CNTNAP3: variants seen among roughly 807,000 people sequenced by gnomAD.
CNTNAP3 encodes the protein contactin-associated protein-like 3.
A neutral mutation model predicts 92.1 loss-of-function variants in CNTNAP3; 36 were observed. The ratio of observed to expected loss-of-function variants is 0.39; its 90% CI spans 0.30 to 0.52. The LOEUF (loss-of-function observed/expected upper bound fraction) is 0.52, where lower values mean the gene tolerates loss of function less well. CNTNAP3 is among the 20% of genes least tolerant of loss of function. The probability of loss-of-function intolerance (pLI) is 0.76; values close to 1 mark genes in which losing one functional copy is unlikely to be tolerated. For synonymous variants in CNTNAP3, 232 were observed against 422.3 expected, an observed-to-expected ratio of 0.55 and a Z score of 5.53; for missense variants, 534 against 1,069.6, an observed-to-expected ratio of 0.50 and a Z score of 6.98.
intron 18 of CNTNAP3, among the ~76,000 whole-genome samples, chr9:39,089,675 C>T (rs1261790491): frequency 1.3e-5 from 2 of 152,060 alleles, no homozygotes; most frequent in Non-Finnish European, 2.9e-5. Context: ...TTTTACATTC[C>T]AAACAGCAAT....
At position 39,132,986 on chromosome 9, in the gene CNTNAP3, A is replaced by T; in HGVS notation, c.2026T>A (p.Cys676Ser). ...CAGCGCAGAGCCAGCCGCTGCTCGC[A>T]GCGCTCCGCCAGGTTCACCGCGGAC... ...LRSAVNLAER[C>S]EQRLALRCGT... The change falls in exon 13 of 24, where the codon TGC (cysteine) becomes AGC (serine). Residue 676 changes from cysteine (C) to serine (S), a missense_variant. Cys to Ser is a moderately radical substitution (Grantham distance 112). Coordinates refer to ENST00000297668, the MANE Select transcript of CNTNAP3 (RefSeq NM_033655.5). 1 of 1,541,334 alleles carries T rather than the reference A, an allele frequency of 6.5e-7. No homozygotes were observed. Among genetic ancestry groups the T allele is most frequent in the Non-Finnish European group, 8.7e-7 (1 of 1,152,520 alleles).
In CNTNAP3 at chr9:39,107,533, A is replaced by T. The variant is rs533992494; in HGVS notation, c.2365+1627T>A. Among the ~76,000 whole-genome samples the T allele has an allele frequency of 1.4e-4, 21 of 152,344 alleles. No homozygotes were observed. The South Asian group carries it at 4.3e-3, about 32-fold the overall frequency. The stretch of plus-strand genomic sequence containing the variant: ...CCAATTCAGTAAAATAAGAGCTAAA[A>T]TATGAGATAAACAGAAAAGATGATT... On this transcript the variant is annotated intron_variant, in intron 15 of 23. Coordinates refer to ENST00000297668, the MANE Select transcript of CNTNAP3 (RefSeq NM_033655.5).
intron 14 of CNTNAP3, among the ~76,000 whole-genome samples, chr9:39,117,335 T>C (rs1416082362): frequency 6.6e-6 from 1 of 152,094 alleles, no homozygotes; most frequent in African/African-American, 2.4e-5. Flanking sequence ...TCTAGTTGTT[T>C]TATGACAATG....
At chr9:39,119,058 A>G (rs1298362340) in intron 13 of CNTNAP3, among the ~76,000 whole-genome samples, 2 of 152,198 alleles carry the variant, frequency 1.3e-5, no homozygotes, top group Non-Finnish European at 2.9e-5. Flanking sequence ...TAATTTAAAA[A>G]GCAGGTGTCA....
At chr9:39,101,695 G>T (rs1420143277) in intron 17 of CNTNAP3, among the ~76,000 whole-genome samples, 1 of 150,384 alleles carries the variant, frequency 6.6e-6, no homozygotes. Flanking sequence ...CAATCAGCGG[G>T]TATCCTGCGA....
rs1451821062 is a variant in CNTNAP3 at position 39,084,349 on chromosome 9, T to A, written c.3442+1387A>T. On this transcript the variant is annotated intron_variant, in intron 21 of 23. Coordinates refer to ENST00000297668, the MANE Select transcript of CNTNAP3 (RefSeq NM_033655.5). ...CTGGGACTACAGGCGCCCGCCACCA[T>A]GCCCGGCTAATTTTTTTTGTATTTT... is the stretch of plus-strand genomic sequence containing the variant. 2.0e-5 allele frequency among the ~76,000 whole-genome samples: 3 copies of A among 151,822 alleles called. No homozygotes were observed. The East Asian group carries it at 5.8e-4, about 30-fold the overall frequency.
intron 15 of CNTNAP3, 70 bp downstream of exon 15, chr9:39,109,090 G>A (rs1826677846): frequency 1.3e-6 from 2 of 1,539,516 alleles, no homozygotes; most frequent in Non-Finnish European, 8.7e-7. Flanking sequence ...AAGAACAAGG[G>A]CATTTGTCTA....
intron 23 of CNTNAP3, among the ~76,000 whole-genome samples, chr9:39,078,119 A>G (rs1258917291): frequency 6.6e-6 from 1 of 152,300 alleles, no homozygotes; most frequent in African/African-American, 2.4e-5. Flanking sequence ...AGGCAGGAGA[A>G]TCGCTTGAAC....
chr9:39,116,947 A>G (rs1820873545), intron 14 of CNTNAP3, among the ~76,000 whole-genome samples: 1 of 152,168 alleles, frequency 6.6e-6, no homozygotes, highest in African/African-American at 2.4e-5. Context: ...CAAATCAATT[A>G]TACTGACACC....
chr9:39,085,525 G>A (rs951535320), intron 21 of CNTNAP3: 50 of 552,150 alleles, frequency 9.1e-5, no homozygotes, highest in Middle Eastern at 4.9e-4. Context: ...AAGTGTGGAG[G>A]TATTTTTCCA....
At chr9:39,143,476 T>G (rs865874142) in intron 11 of CNTNAP3, among the ~76,000 whole-genome samples, 23 of 152,038 alleles carry the variant, frequency 1.5e-4, no homozygotes, top group African/African-American at 5.6e-4. Context: ...GCTCAACTCC[T>G]CATCTTCCCA....
At chr9:39,092,195 AC>A (rs1826220638) in intron 18 of CNTNAP3, among the ~76,000 whole-genome samples, 1 of 144,550 alleles carries the variant, frequency 6.9e-6, no homozygotes, top group Non-Finnish European at 1.5e-5. Context: ...TAAAGGACTG[AC>A]TTTTGGTTTG....
intron 10 of CNTNAP3, among the ~76,000 whole-genome samples, chr9:39,147,512 C>A (rs1821731374): frequency 6.6e-6 from 1 of 152,150 alleles, no homozygotes; most frequent in Non-Finnish European, 1.5e-5. Flanking sequence ...ACGTTACTGA[C>A]TTTGGGAATG....
intron 13 of CNTNAP3, among the ~76,000 whole-genome samples, chr9:39,126,311 A>C (rs1183338047): frequency 1.3e-5 from 2 of 152,138 alleles, no homozygotes; most frequent in East Asian, 3.8e-4. Context: ...GTAATTAATA[A>C]CCTTCCCAAA....
In CNTNAP3 at chr9:39,069,802, A is replaced by G. The variant is rs1174295541; in HGVS notation, c.*4088T>C. ...CAGCAATGAACTTAGCCTGAGCTAC[A>G]TCCATTGGGAGTGATGTGAAGGAAG... is the stretch of plus-strand genomic sequence containing the variant. On this transcript the variant is annotated 3_prime_UTR_variant, in exon 24 of 24. Coordinates refer to ENST00000297668, the MANE Select transcript of CNTNAP3 (RefSeq NM_033655.5). 2.4e-4 allele frequency among the ~76,000 whole-genome samples: 36 copies of G among 152,230 alleles called. No individual in the cohort carries two copies. Among genetic ancestry groups the G allele is most frequent in the African/African-American group, 8.4e-4 (35 of 41,422 alleles).
At position 39,069,833 on chromosome 9, in the gene CNTNAP3, A is replaced by T. The variant is rs1825601356; in HGVS notation, c.*4057T>A. Among the ~76,000 whole-genome samples, 2 of 152,188 alleles carry T rather than the reference A, an allele frequency of 1.3e-5. No homozygotes were observed. The highest frequency in any genetic ancestry group is 4.8e-5 in the African/African-American group (2 of 41,474). On this transcript the variant is annotated 3_prime_UTR_variant, in exon 24 of 24. Coordinates refer to ENST00000297668, the MANE Select transcript of CNTNAP3 (RefSeq NM_033655.5). ...TGGGAGTGATGTGAAGGAAGAGAAA[A>T]GCGTTGGACTCTATGATATTTAATG...
intron 13 of CNTNAP3, among the ~76,000 whole-genome samples, chr9:39,124,393 TAA>T: frequency 6.6e-6 from 1 of 151,762 alleles, no homozygotes; most frequent in East Asian, 1.9e-4. Context: ...GGGCAACAAA[TAA>T]AAAAGAGTTA....
intron 10 of CNTNAP3, among the ~76,000 whole-genome samples, chr9:39,148,526 C>CTT (rs887513999): frequency 2.2e-5 from 3 of 137,898 alleles, no homozygotes; most frequent in African/African-American, 2.6e-5. Context: ...GCAGATATAA[C>CTT]TTTTTTTTTT....
chr9:39,078,034 T>A (rs1825824999), intron 23 of CNTNAP3, among the ~76,000 whole-genome samples: 1 of 152,346 alleles, frequency 6.6e-6, no homozygotes, highest in East Asian at 1.9e-4. Flanking sequence ...GGAGAAACCC[T>A]GTGTCTACCA....
Sources: allele counts gnomAD v4.1 joint callset (sites outside exome capture counted in the v4.1 genomes callset), GRCh38; gene constraint gnomAD v4.1.1; transcripts MANE v1.5; gene names NCBI Gene and HGNC (gene_info 2026-07-23, HGNC 2026-07-21).